Variants in ELMO1 observed in about 807,000 individuals in gnomAD.
ELMO1 encodes the protein engulfment and cell motility 1.
In ELMO1, 26 loss-of-function variants were observed where a neutral mutation model predicts 98.9. The ratio of observed to expected loss-of-function variants is 0.26; its 90% confidence interval spans 0.19 to 0.36. The LOEUF (loss-of-function observed/expected upper bound fraction) is 0.36. ELMO1 is among the 10% of genes least tolerant of loss of function. The probability of loss-of-function intolerance (pLI) is 1.00; values close to 1 mark genes in which losing one functional copy is unlikely to be tolerated. For missense variants in ELMO1, 627 were observed against 935.2 expected (o/e 0.67, Z 4.30); for synonymous variants, 346 against 346.0 (o/e 1.00, Z 0.00).
intron 1 of ELMO1, among the ~76,000 whole-genome samples, chr7:37,356,865 T>A (rs1801519824): frequency 6.6e-6 from 1 of 152,086 alleles, no homozygotes; most frequent in Admixed American, 6.5e-5. Context: ...AAAAAAATCC[T>A]CTTCCACAAA....
intron 20 of ELMO1, among the ~76,000 whole-genome samples, chr7:36,866,627 T>G (rs1310342126): frequency 6.6e-6 from 1 of 152,182 alleles, no homozygotes; most frequent in Non-Finnish European, 1.5e-5. Context: ...TAACAAAGTA[T>G]CTCTTTTACA....
At chr7:37,444,879 A>G (rs1483681800) in intron 1 of ELMO1, among the ~76,000 whole-genome samples, 2 of 152,252 alleles carry the variant, frequency 1.3e-5, no homozygotes, top group East Asian at 1.9e-4. Flanking sequence ...ACATTTGGAA[A>G]TAGCATCTCC....
At chr7:36,857,486 T>A (rs1241597064) in intron 21 of ELMO1, among the ~76,000 whole-genome samples, 1 of 152,192 alleles carries the variant, frequency 6.6e-6, no homozygotes, top group African/African-American at 2.4e-5. Context: ...GGATTACTGT[T>A]CTTTTCACAC....
chr7:37,030,136 G>T (rs960626926), intron 15 of ELMO1, among the ~76,000 whole-genome samples: 2 of 152,094 alleles, frequency 1.3e-5, no homozygotes, highest in Non-Finnish European at 2.9e-5. Flanking sequence ...CTTCACTAAG[G>T]AGAGACCATT....
intron 6 of ELMO1, among the ~76,000 whole-genome samples, chr7:37,245,242 C>A (rs1057312834): frequency 2.0e-5 from 3 of 152,152 alleles, no homozygotes. Context: ...GCATCGCAGG[C>A]CACAGGCCCT....
At chr7:37,413,139 G>GT (rs55918735) in intron 1 of ELMO1, among the ~76,000 whole-genome samples, 25,111 of 149,812 alleles carry the variant, frequency 0.17, 2,170 homozygotes, top group South Asian at 0.26. Flanking sequence ...TTTTTTTTTT[G>GT]TTTTTTTTAA....
At chr7:37,418,826 CT>C (rs752546851) in intron 1 of ELMO1, among the ~76,000 whole-genome samples, 2 of 152,292 alleles carry the variant, frequency 1.3e-5, no homozygotes, top group South Asian at 4.1e-4. Context: ...ACTGCAGCTT[CT>C]GCAGTGAAGG....
At chr7:37,067,809 G>C (rs190122712) in intron 15 of ELMO1, among the ~76,000 whole-genome samples, 49 of 151,940 alleles carry the variant, frequency 3.2e-4, no homozygotes, top group African/African-American at 1.2e-3. Flanking sequence ...TTCTTTGAAA[G>C]AACTCATGTG....
chr7:37,320,621 A>C (rs567581176), intron 2 of ELMO1, among the ~76,000 whole-genome samples: 1 of 152,168 alleles, frequency 6.6e-6, no homozygotes, highest in Non-Finnish European at 1.5e-5. Context: ...CATTAAATTA[A>C]TAACTTCTGA....
intron 2 of ELMO1, among the ~76,000 whole-genome samples, chr7:37,323,490 TTGAGAC>T (rs1296110874): frequency 2.0e-5 from 3 of 152,180 alleles, no homozygotes; most frequent in African/African-American, 7.2e-5. Context: ...GTCAAGAGTT[TTGAGAC>T]CAGGCTGAGC....
intron 1 of ELMO1, among the ~76,000 whole-genome samples, chr7:37,387,986 C>G (rs573834669): frequency 6.6e-6 from 1 of 152,126 alleles, no homozygotes; most frequent in South Asian, 2.1e-4. Flanking sequence ...TACATGCCAC[C>G]ACGCCTGGCC....
chr7:37,008,773 T>C (rs1793330273), intron 16 of ELMO1, among the ~76,000 whole-genome samples: 1 of 152,146 alleles, frequency 6.6e-6, no homozygotes, highest in Non-Finnish European at 1.5e-5. Flanking sequence ...TCAACAAGCA[T>C]CCTACTCCAT....
At chr7:37,324,906 GGCTTCT>G (rs1799715985) in intron 2 of ELMO1, among the ~76,000 whole-genome samples, 1 of 152,162 alleles carries the variant, frequency 6.6e-6, no homozygotes, top group African/African-American at 2.4e-5. Flanking sequence ...TTCCAGGGAC[GGCTTCT>G]GCAGTCCCTG....
chr7:36,997,959 G>C (rs900286509), intron 16 of ELMO1: 8 of 152,388 alleles, frequency 5.2e-5, no homozygotes, highest in African/African-American at 1.7e-4. Context: ...ATCAGACCAC[G>C]TCGAGGTGAG....
intron 14 of ELMO1, among the ~76,000 whole-genome samples, chr7:37,126,073 C>T (rs1392577060): frequency 6.6e-6 from 1 of 151,808 alleles, no homozygotes; most frequent in East Asian, 1.9e-4. Context: ...CGCATGTTCT[C>T]ACTTATAGGT....
At chr7:37,221,538 T>C (rs780362754) in intron 10 of ELMO1, among the ~76,000 whole-genome samples, 4 of 152,134 alleles carry the variant, frequency 2.6e-5, no homozygotes, top group African/African-American at 4.8e-5. Flanking sequence ...GAATGGATTT[T>C]GAGGTGTGAC....
intron 13 of ELMO1, among the ~76,000 whole-genome samples, chr7:37,168,353 G>A (rs552228921): frequency 1.7e-4 from 26 of 152,262 alleles, no homozygotes; most frequent in Middle Eastern, 3.4e-3. Flanking sequence ...GTCATTCTCC[G>A]TCCAGCTTTG....
In ELMO1 at chr7:37,333,065, C is replaced by A. The variant is rs570200999; in HGVS notation, c.78+9548G>T. On this transcript the variant is annotated intron_variant, in intron 2 of 21. Transcript: ENST00000310758. ...TAAGCATGATGGTGATGCCATTGAC[C>A]CATGAATGCATTTGATGGAAAGCTA... Among the ~76,000 whole-genome samples, 5 of 152,214 alleles carry A rather than the reference C, an allele frequency of 3.3e-5. No individual in the cohort carries two copies. In the South Asian group the frequency reaches 1.0e-3, roughly 32 times the overall value.
At chr7:36,955,549 T>C (rs2129111138) in intron 16 of ELMO1, among the ~76,000 whole-genome samples, 1 of 152,332 alleles carries the variant, frequency 6.6e-6, no homozygotes, top group South Asian at 2.1e-4. Flanking sequence ...TTGGAGTATG[T>C]AAGTATCAAA....
Sources: gnomAD v4.1 joint callset for allele counts (sites outside exome capture counted in the v4.1 genomes callset) on GRCh38, gnomAD v4.1.1 for gene constraint, MANE v1.5 for transcripts, NCBI Gene and HGNC (gene_info 2026-07-23, HGNC 2026-07-21) for gene names.